Variants in STXBP5L observed in about 807,000 individuals in gnomAD.
STXBP5L encodes the protein syntaxin-binding protein 5-like.
In STXBP5L, 65 loss-of-function variants were observed where a neutral mutation model predicts 144.5. That is an observed-to-expected ratio of 0.45 (90% CI 0.37 to 0.55). The LOEUF is 0.55. STXBP5L is among the 20% of genes least tolerant of loss of function. The pLI is 0.00. For missense variants in STXBP5L, 1,298 were observed against 1,405.5 expected (o/e 0.92, Z 1.22); for synonymous variants, 505 against 469.6 (o/e 1.08, Z -0.97).
chr3:120,986,525 A>G (rs1942301396), intron 3 of STXBP5L, among the ~76,000 whole-genome samples: 1 of 151,938 alleles, frequency 6.6e-6, no homozygotes, highest in Non-Finnish European at 1.5e-5. Flanking sequence ...GTTTTTGCTT[A>G]TATTTTGATG....
intron 3 of STXBP5L, among the ~76,000 whole-genome samples, chr3:120,977,629 C>A (rs1287783252): frequency 6.6e-6 from 1 of 152,130 alleles, no homozygotes; most frequent in Non-Finnish European, 1.5e-5. Flanking sequence ...GAGGCAGTTT[C>A]TTCCTAGCTT....
At chr3:120,975,495 A>G (rs1253876245) in intron 3 of STXBP5L, among the ~76,000 whole-genome samples, 2 of 152,208 alleles carry the variant, frequency 1.3e-5, no homozygotes, top group Non-Finnish European at 2.9e-5. Flanking sequence ...GCAAACAGAG[A>G]CAATTTGACT....
At chr3:121,108,185 C>G (rs1250814501) in intron 5 of STXBP5L, among the ~76,000 whole-genome samples, 2 of 152,194 alleles carry the variant, frequency 1.3e-5, no homozygotes, top group Non-Finnish European at 2.9e-5. Context: ...TCCTCTCTTC[C>G]TATTTCAATA....
At chr3:121,107,135 G>T (rs2043751364) in intron 5 of STXBP5L, among the ~76,000 whole-genome samples, 1 of 151,192 alleles carries the variant, frequency 6.6e-6, no homozygotes. Flanking sequence ...TGTAGATTCT[G>T]GATGTTAGAC....
intron 2 of STXBP5L, among the ~76,000 whole-genome samples, chr3:120,918,749 A>T (rs1198375284): frequency 6.6e-6 from 1 of 152,190 alleles, no homozygotes; most frequent in Non-Finnish European, 1.5e-5. Context: ...CATCCAAGCA[A>T]GGTTCATGTT....
intron 20 of STXBP5L, among the ~76,000 whole-genome samples, chr3:121,348,909 C>T (rs1354577145): frequency 2.0e-5 from 3 of 152,184 alleles, no homozygotes; most frequent in South Asian, 2.1e-4. Flanking sequence ...AAAAAACCAA[C>T]TCCTGGATTC....
At chr3:121,082,982 A>C (rs1223554845) in intron 5 of STXBP5L, among the ~76,000 whole-genome samples, 1 of 151,922 alleles carries the variant, frequency 6.6e-6, no homozygotes, top group Non-Finnish European at 1.5e-5. Flanking sequence ...GCAGATTACG[A>C]GGTCAAGAGA....
At chr3:121,398,093 C>G (rs2046777800) in intron 22 of STXBP5L, among the ~76,000 whole-genome samples, 2 of 152,154 alleles carry the variant, frequency 1.3e-5, no homozygotes. Context: ...TTCCGATTCC[C>G]ACATACGGCA....
At chr3:120,974,938 T>A in intron 3 of STXBP5L, among the ~76,000 whole-genome samples, 1 of 152,174 alleles carries the variant, frequency 6.6e-6, no homozygotes, top group East Asian at 1.9e-4. Flanking sequence ...CTGTTTTGGT[T>A]ACTTTAGCCT....
chr3:121,034,837 C>A (rs191890155), intron 3 of STXBP5L, among the ~76,000 whole-genome samples: 1 of 152,150 alleles, frequency 6.6e-6, no homozygotes, highest in East Asian at 1.9e-4. Flanking sequence ...TATTTTCCCA[C>A]CAACAATGTG....
intron 19 of STXBP5L, among the ~76,000 whole-genome samples, chr3:121,299,163 A>G (rs2051785825): frequency 6.6e-6 from 1 of 152,196 alleles, no homozygotes; most frequent in Non-Finnish European, 1.5e-5. Context: ...AATCAAAAGC[A>G]AGTTTCATGA....
chr3:121,179,845 T>C (rs2108099238), intron 9 of STXBP5L, among the ~76,000 whole-genome samples: 1 of 152,202 alleles, frequency 6.6e-6, no homozygotes, highest in South Asian at 2.1e-4. Flanking sequence ...ACTTCAGAGC[T>C]TGAAGACAAG....
chr3:121,052,713 C>T (rs1948115583), intron 5 of STXBP5L, among the ~76,000 whole-genome samples: 1 of 151,958 alleles, frequency 6.6e-6, no homozygotes, highest in Non-Finnish European at 1.5e-5. Flanking sequence ...TCTCACCACT[C>T]CTATTCAACA....
chr3:121,244,023 G>A (rs971435238), intron 14 of STXBP5L, among the ~76,000 whole-genome samples: 15 of 152,132 alleles, frequency 9.9e-5, no homozygotes, highest in African/African-American at 2.9e-4. Flanking sequence ...TAAAATTAAA[G>A]GAGCACTGGA....
chr3:121,359,829 A>G (rs188066418), intron 20 of STXBP5L, among the ~76,000 whole-genome samples: 1 of 151,748 alleles, frequency 6.6e-6, no homozygotes, highest in East Asian at 1.9e-4. Flanking sequence ...TGCCAGTACC[A>G]TGCTATTTTG....
chr3:120,995,613 T>A (rs758875243), intron 3 of STXBP5L, among the ~76,000 whole-genome samples: 8 of 152,178 alleles, frequency 5.3e-5, no homozygotes, highest in Non-Finnish European at 7.3e-5. Flanking sequence ...ATGTAAATTA[T>A]CACAGTCTAC....
chr3:121,417,882 CAG>C lies in STXBP5L; in HGVS notation c.3227-441_3227-440del, dbSNP rs147529183. 3.2e-3 allele frequency among the ~76,000 whole-genome samples: 480 copies of C among 151,150 alleles called. 7 individuals carry two copies. The highest frequency in any genetic ancestry group is 0.011 in the African/African-American group (449 of 41,302). ...CATATACCCCATTTTTCAGTATTTA[CAG>C]AGAGAGAGAGAGACAGAAAGAGAGA... On this transcript the variant is annotated intron_variant, in intron 25 of 26. Transcript: ENST00000471454.
intron 20 of STXBP5L, among the ~76,000 whole-genome samples, chr3:121,374,386 A>G (rs922658332): frequency 2.0e-5 from 3 of 152,220 alleles, no homozygotes; most frequent in Non-Finnish European, 4.4e-5. Context: ...ATGTAAGGAC[A>G]TGTGAACACA....
At chr3:121,333,067 A>G (rs1257934042) in intron 20 of STXBP5L, among the ~76,000 whole-genome samples, 1 of 152,180 alleles carries the variant, frequency 6.6e-6, no homozygotes, top group East Asian at 1.9e-4. Context: ...AGCCCTATAA[A>G]AAAAATGCTA....
Sources: allele counts gnomAD v4.1 joint callset (sites outside exome capture counted in the v4.1 genomes callset), GRCh38; gene constraint gnomAD v4.1.1; transcripts MANE v1.5; gene names NCBI Gene and HGNC (gene_info 2026-07-23, HGNC 2026-07-21).